ENPP7: variants seen among roughly 807,000 people sequenced by gnomAD.
ENPP7 encodes ectonucleotide pyrophosphatase/phosphodiesterase family member 7.
ENPP7 carries 39 observed loss-of-function variants against 33.6 expected under a neutral mutation model. That is an observed-to-expected ratio of 1.16 (90% CI 0.90 to 1.52). The LOEUF is 1.52. Among genes scored for constraint, ENPP7 ranks in the 40% most tolerant of loss-of-function variants. The probability of loss-of-function intolerance (pLI) is 0.00; values close to 1 mark genes in which losing one functional copy is unlikely to be tolerated. For missense variants in ENPP7, 594 were observed against 641.0 expected (o/e 0.93, Z 0.79); for synonymous variants, 244 against 274.3 (o/e 0.89, Z 1.09).
chr17:79,734,847 T>C (rs1268118567), intron 2 of ENPP7, among the ~76,000 whole-genome samples, 196 bp from the exon 3 acceptor site: 2 of 152,196 alleles, frequency 1.3e-5, no homozygotes, highest in African/African-American at 2.4e-5. Context: ...GTTTCCTCTA[T>C]AAAATCAGGT....
rs553359937 is a variant in ENPP7 at position 79,737,113 on chromosome 17, C to T, written c.1099C>T (p.Arg367Cys). ...NKDMDMKTIF[R>C]AVGPSFRAGL... is the part of the protein sequence containing the mutation. ...GGACATGGACATGAAGACCATCTTC[C>T]GCGCTGTGGGCCCTAGCTTCAGGGC... is the stretch of plus-strand genomic sequence containing the variant. The change falls in exon 4 of 6, where the codon CGC becomes TGC. Residue 367 changes from arginine to cysteine, a missense_variant. Physicochemically the swap from Arg to Cys is radical, Grantham distance 180. Transcript: ENST00000328313. This position sits in a 1 kb window ranked among gnomAD's most constrained non-coding sequence, Gnocchi z 5.5. The T allele has an allele frequency of 2.2e-5, 35 of 1,614,188 alleles. No individual in the cohort carries two copies. The highest frequency in any genetic ancestry group is 1.6e-4 in the East Asian group (7 of 44,878).
At chr17:79,734,241 G>A (rs1458524560) in intron 2 of ENPP7, among the ~76,000 whole-genome samples, 1 of 150,626 alleles carries the variant, frequency 6.6e-6, no homozygotes, top group East Asian at 2.0e-4. Flanking sequence ...AGATGACGCT[G>A]GAATAAATGT....
rs2094302326 is a variant in ENPP7, at chr17:79,739,820, G to A, written c.*16+1758G>A. 6.6e-6 allele frequency among the ~76,000 whole-genome samples: 1 copy of A among 152,224 alleles called. No homozygotes were observed. The highest frequency in any genetic ancestry group is 2.4e-5 in the African/African-American group (1 of 41,456). On this transcript the variant is annotated intron_variant, in intron 5 of 5. Coordinates refer to ENST00000328313, the MANE Select transcript of ENPP7 (RefSeq NM_178543.5). The surrounding 1 kb of genome is among the most constrained non-coding windows in gnomAD (Gnocchi z 4.4). Reference sequence around the variant, plus strand: ...CCCCCAGCCAGAAGGAGTGGACTGAGAAGAGATGGTGACCACACCACTCAC... The same window carrying A: ...CCCCCAGCCAGAAGGAGTGGACTGAAAAGAGATGGTGACCACACCACTCAC...
intron 2 of ENPP7, among the ~76,000 whole-genome samples, chr17:79,734,478 C>CT (rs2094291602): frequency 6.6e-5 from 7 of 105,838 alleles, no homozygotes; most frequent in Non-Finnish European, 1.3e-4. Context: ...TATCTGGGAA[C>CT]ATTTTTTTTT....
At position 79,738,967 on chromosome 17, in the gene ENPP7, C is replaced by T. The variant is rs1555824146; in HGVS notation, c.*16+905C>T. On this transcript the variant is annotated intron_variant, in intron 5 of 5. Transcript: ENST00000328313. The surrounding 1 kb of genome is among the most constrained non-coding windows in gnomAD (Gnocchi z 6.2). ...TTTAAAGGTGCAAGAAAGCAGAGAA[C>T]ACAAAAGCAAATGAATCCACGCACA... 6.6e-6 allele frequency: 1 copy of T among 152,328 alleles called. No homozygotes were observed. The allele number at this position is 152,328 out of a possible 1,614,324, so 9.4% of individuals were successfully genotyped here. A position where few individuals can be genotyped will look rare whatever the true frequency, so the allele number is the denominator to read the frequency against.
At position 79,742,048 on chromosome 17, in the gene ENPP7, C is replaced by A; in HGVS notation, c.*271C>A. 5.0e-6 allele frequency: 3 copies of A among 599,738 alleles called. No individual in the cohort carries two copies. The highest frequency in any genetic ancestry group is 4.2e-6 in the Non-Finnish European group (2 of 476,080). The allele number at this position is 599,738 out of a possible 1,614,324, so 37.2% of individuals were successfully genotyped here. A position where few individuals can be genotyped will look rare whatever the true frequency, so the allele number is the denominator to read the frequency against. ...CCTGCTCCTGCTCCTCCCCTTCGGG[C>A]CCCCTCCTCCTGCAAAACCCGCTCC... On this transcript the variant is annotated 3_prime_UTR_variant, in exon 6 of 6. Coordinates refer to ENST00000328313, the MANE Select transcript of ENPP7 (RefSeq NM_178543.5).
rs782357400 is a variant in ENPP7 at position 79,731,100 on chromosome 17, C to A, written c.-40C>A. ...TTTGTCCTCCTCGGCAGGAGCCAGC[C>A]CTGTGCACCCTGTGTGCCTGTCCAT... On this transcript the variant is annotated 5_prime_UTR_variant, in exon 1 of 6. Coordinates refer to ENST00000328313, the MANE Select transcript of ENPP7 (RefSeq NM_178543.5). 5.1e-6 allele frequency: 8 copies of A among 1,575,206 alleles called. No individual in the cohort carries two copies. Among genetic ancestry groups the A allele is most frequent in the African/African-American group, 1.3e-5 (1 of 74,516 alleles).
At chr17:79,740,782 A>G (rs1184325812) in intron 5 of ENPP7, among the ~76,000 whole-genome samples, 1 of 152,154 alleles carries the variant, frequency 6.6e-6, no homozygotes, top group African/African-American at 2.4e-5. Flanking sequence ...TGCGGCGTGA[A>G]TACTCCCACC....
chr17:79,731,232 C>A lies in ENPP7; in HGVS notation c.93C>A (p.Asn31Lys). The A allele has an allele frequency of 6.2e-7, 1 of 1,613,162 alleles. No homozygotes were observed. The highest frequency in any genetic ancestry group is 8.5e-7 in the Non-Finnish European group (1 of 1,179,970). ...GAPVQSQGSQ[N>K]KLLLVSFDGF... is the part of the protein sequence containing the mutation. ...CGGTACAAAGTCAGGGCTCCCAGAA[C>A]AAGCTGCTCCTGGTGTCCTTCGACG... The change falls in exon 1 of 6, where the codon AAC (asparagine) becomes AAA (lysine). Residue 31 changes from asparagine (N) to lysine (K), a missense_variant. This residue lies in a region of ENPP7 where 85 missense variants were observed against 111.3 expected (regional missense o/e 0.76). Transcript: ENST00000328313.
In ENPP7 at chr17:79,737,258, C is replaced by CA; in HGVS notation, c.1245dup (p.Glu416ArgfsTer7). On this transcript the variant is annotated frameshift_variant and splice_region_variant, in exon 4 of 6. Transcript: ENST00000328313. LOFTEE classifies it high-confidence loss of function. This position sits in a 1 kb window ranked among gnomAD's most constrained non-coding sequence, Gnocchi z 5.5. ...GCTACTCTGCTGCCCATGCTGCACA[C>CA]AGGTGAGGGCAGGGTGCCCCAAATC... is the stretch of plus-strand genomic sequence containing the variant. 1 of 1,594,890 alleles carries CA rather than the reference C, an allele frequency of 6.3e-7. No individual in the cohort carries two copies. The highest frequency in any genetic ancestry group is 1.1e-5 in the South Asian group (1 of 89,846).
intron 3 of ENPP7, 88 bp from the exon 4 acceptor site, chr17:79,736,953 A>C (rs2094296932): frequency 8.3e-6 from 9 of 1,081,002 alleles, no homozygotes; most frequent in Non-Finnish European, 1.3e-5. Context: ...GCTCCTTCCT[A>C]AGGGGGTGTT....
chr17:79,742,064 A>C lies in ENPP7; in HGVS notation c.*287A>C. 1 of 494,002 alleles carries C rather than the reference A, an allele frequency of 2.0e-6. No homozygotes were observed. The highest frequency in any genetic ancestry group is 2.6e-6 in the Non-Finnish European group (1 of 380,268). The allele number at this position is 494,002 out of a possible 1,614,324, so 30.6% of individuals were successfully genotyped here. A position where few individuals can be genotyped will look rare whatever the true frequency, so the allele number is the denominator to read the frequency against. ...CCCTTCGGGCCCCCTCCTCCTGCAA[A>C]ACCCGCTCCCGAAGCGGCGCTGCCG... On this transcript the variant is annotated 3_prime_UTR_variant, in exon 6 of 6. Coordinates refer to ENST00000328313, the MANE Select transcript of ENPP7 (RefSeq NM_178543.5).
At chr17:79,732,149 T>TATATATACAC (rs1171801654) in intron 1 of ENPP7, among the ~76,000 whole-genome samples, 4 of 34,156 alleles carry the variant, frequency 1.2e-4, no homozygotes, top group African/African-American at 3.1e-4. Context: ...TATATATATA[T>TATATATACAC]ACACACACAT....
intron 3 of ENPP7, among the ~76,000 whole-genome samples, chr17:79,736,611 GC>G: frequency 6.6e-6 from 1 of 151,772 alleles, no homozygotes; most frequent in African/African-American, 2.4e-5. Flanking sequence ...TAGAAGTCCA[GC>G]CCCAAGGGTG....
At position 79,735,103 on chromosome 17, in the gene ENPP7, G is replaced by C. The variant is rs1225989170; in HGVS notation, c.460G>C (p.Val154Leu). 6.2e-7 allele frequency: 1 copy of C among 1,612,962 alleles called. No homozygotes were observed. Among genetic ancestry groups the C allele is most frequent in the African/African-American group, 1.3e-5 (1 of 74,946 alleles). ...GAACGTCACCTACCAAGGGGTGGCT[G>C]TGACGCGGAGCCGGAAAGAAGGCAT... Reference protein sequence around the residue: ...GGNVTYQGVAVTRSRKEGIAH... With the variant: ...GGNVTYQGVALTRSRKEGIAH... Residue 154 changes from valine to leucine, a missense_variant, in exon 3 of 6, where the codon GTG becomes CTG. Val to Leu is a conservative substitution (Grantham distance 32). This residue lies in a region of ENPP7 where 504 missense variants were observed against 512.8 expected (regional missense o/e 0.98). Coordinates refer to ENST00000328313, the MANE Select transcript of ENPP7 (RefSeq NM_178543.5). The surrounding 1 kb of genome is among the most constrained non-coding windows in gnomAD (Gnocchi z 5.5).
At chr17:79,733,983 G>A (rs1425714027) in intron 2 of ENPP7, among the ~76,000 whole-genome samples, 2 of 152,206 alleles carry the variant, frequency 1.3e-5, no homozygotes, top group East Asian at 3.9e-4. Context: ...GCAGCATTGG[G>A]GGTGAGGGTC....
At chr17:79,741,599 C>G (rs1905524505) in intron 5 of ENPP7, among the ~76,000 whole-genome samples, 195 bp from the exon 6 acceptor site, 1 of 151,782 alleles carries the variant, frequency 6.6e-6, no homozygotes, top group Non-Finnish European at 1.5e-5. Context: ...CCTACACAGG[C>G]CCTTCTCAGC....
chr17:79,736,545 G>GACA (rs1555823630), intron 3 of ENPP7, among the ~76,000 whole-genome samples: 63 of 116,458 alleles, frequency 5.4e-4, no homozygotes, highest in African/African-American at 2.0e-3. Flanking sequence ...GCGTGTGTGT[G>GACA]TGTGTGTGTG....
intron 3 of ENPP7, among the ~76,000 whole-genome samples, chr17:79,736,536 CGTGTGTGTGT>C (rs58744239): frequency 0.097 from 14,228 of 146,048 alleles, 720 homozygotes; most frequent in South Asian, 0.12. Flanking sequence ...GTGTGATAGG[CGTGTGTGTGT>C]GTGTGTGTGT....
Sources: gnomAD v4.1 joint callset for allele counts (sites outside exome capture counted in the v4.1 genomes callset) on GRCh38, gnomAD v4.1.1 for gene constraint, gnomAD v4.1.1 regional missense constraint, Gnocchi (gnomAD v3.1) non-coding constraint, MANE v1.5 for transcripts, NCBI Gene and HGNC (gene_info 2026-07-23, HGNC 2026-07-21) for gene names.